The following NUP155 variants were observed in gnomAD, a reference collection of about 807,000 sequenced individuals.
NUP155 encodes the protein nucleoporin 155.
A neutral mutation model predicts 180.4 loss-of-function variants in NUP155; 71 were observed. That is an observed-to-expected ratio of 0.39 (90% CI 0.33 to 0.48). NUP155 has a LOEUF of 0.48. NUP155 is among the 20% of genes least tolerant of loss of function. The pLI is 0.91. For synonymous variants in NUP155, 582 were observed against 559.5 expected (o/e 1.04, Z -0.57); for missense variants, 1,553 against 1,648.9 (o/e 0.94, Z 1.01).
chr5:37,334,958 G>C (rs1745225488), intron 12 of NUP155, among the ~76,000 whole-genome samples: 1 of 151,904 alleles, frequency 6.6e-6, no homozygotes, highest in African/African-American at 2.4e-5. Context: ...AGGAGTTCGA[G>C]ACCAGCCAGG....
chr5:37,361,152 C>T (rs1413764431), intron 3 of NUP155, among the ~76,000 whole-genome samples: 2 of 151,222 alleles, frequency 1.3e-5, no homozygotes, highest in Admixed American at 1.3e-4. Context: ...ACCTGTAGTC[C>T]CAGCTACTCC....
intron 3 of NUP155, among the ~76,000 whole-genome samples, chr5:37,361,251 G>A (rs1463420026): frequency 2.3e-5 from 3 of 130,132 alleles, no homozygotes; most frequent in African/African-American, 9.8e-5. Context: ...GGGCGACAGA[G>A]CGAGACTCTG....
intron 9 of NUP155, among the ~76,000 whole-genome samples, chr5:37,343,013 G>C (rs1745837967): frequency 6.6e-6 from 1 of 152,004 alleles, no homozygotes; most frequent in Non-Finnish European, 1.5e-5. Flanking sequence ...AAAGTGCTGG[G>C]ATTGGGATTA....
chr5:37,366,289 T>C (rs190459711), intron 1 of NUP155, among the ~76,000 whole-genome samples: 26 of 152,174 alleles, frequency 1.7e-4, no homozygotes, highest in Non-Finnish European at 3.2e-4. Flanking sequence ...AACTGACATA[T>C]AAAACAATCT....
chr5:37,311,946 G>A (rs190108232), intron 22 of NUP155, among the ~76,000 whole-genome samples: 2 of 152,248 alleles, frequency 1.3e-5, no homozygotes, highest in East Asian at 1.9e-4. Context: ...GCTTGTACCC[G>A]GGAGGTGGAG....
Position 37,307,417 on chromosome 5 carries a change from C to A in NUP155, c.2783G>T (p.Gly928Val), listed in dbSNP as rs755073424. The A allele has an allele frequency of 6.2e-7, 1 of 1,613,938 alleles. No individual in the cohort carries two copies. The highest frequency in any genetic ancestry group is 8.5e-7 in the Non-Finnish European group (1 of 1,179,954). The change falls in exon 25 of 35, where the codon GGT becomes GTT. Residue 928 changes from glycine (G) to valine (V), a missense_variant. By Grantham distance (109) the Gly-to-Val change is moderately radical. Coordinates refer to ENST00000231498, the MANE Select transcript of NUP155 (RefSeq NM_153485.3). ...AGCCGTAAGAGAAAGTTCCACCACA[C>A]CCTCATAAAATCTCACTGATGGGAA... ...AQYRQVRFYE[G>V]VVELSLTAAE... is the part of the protein sequence containing the mutation.
intron 1 of NUP155, among the ~76,000 whole-genome samples, chr5:37,365,713 G>GAA (rs869240751): frequency 7.5e-4 from 17 of 22,600 alleles, no homozygotes; most frequent in African/African-American, 3.6e-3. Context: ...GTCTCGGGGA[G>GAA]AAAAAAAAAA....
intron 9 of NUP155, among the ~76,000 whole-genome samples, chr5:37,343,877 T>C (rs544088233): frequency 2.6e-5 from 4 of 151,898 alleles, no homozygotes; most frequent in Non-Finnish European, 5.9e-5. Context: ...GGCAACAGAC[T>C]GAGACTCTAT....
chr5:37,352,698 C>T (rs1250731617), intron 5 of NUP155, 39 bp downstream of exon 5: 5 of 1,356,100 alleles, frequency 3.7e-6, no homozygotes, highest in South Asian at 1.2e-5. Flanking sequence ...GGCCAAAATA[C>T]TATTATTTTA....
At chr5:37,367,535 CTTTT>C (rs376801237) in intron 1 of NUP155, among the ~76,000 whole-genome samples, 2 of 135,626 alleles carry the variant, frequency 1.5e-5, no homozygotes, top group Non-Finnish European at 1.6e-5. Context: ...TTTCTTTTTC[CTTTT>C]TTTTTTTTTT....
At chr5:37,312,195 AAAG>A (rs1197545314) in intron 22 of NUP155, among the ~76,000 whole-genome samples, 1 of 152,210 alleles carries the variant, frequency 6.6e-6, no homozygotes. Context: ...AGTATAACTA[AAAG>A]AAGGACAACG....
intron 3 of NUP155, among the ~76,000 whole-genome samples, chr5:37,362,115 C>T (rs1433570194): frequency 6.6e-6 from 1 of 152,140 alleles, no homozygotes; most frequent in East Asian, 1.9e-4. Context: ...TCTGTTTTAG[C>T]AGCTCGGACT....
chr5:37,303,920 C>G (rs1409878949), intron 27 of NUP155, among the ~76,000 whole-genome samples: 2 of 151,588 alleles, frequency 1.3e-5, no homozygotes, highest in African/African-American at 4.8e-5. Flanking sequence ...GCACTTCAGC[C>G]TAAGCTACAG....
chr5:37,342,660 G>A lies in NUP155; in HGVS notation c.996-14C>T. 1.4e-6 allele frequency: 2 copies of A among 1,480,820 alleles called. No individual in the cohort carries two copies. Among genetic ancestry groups the A allele is most frequent in the Non-Finnish European group, 1.9e-6 (2 of 1,059,164 alleles). 91.7% of individuals were successfully genotyped at this position (1,480,820 alleles called of 1,614,324 possible). A position where few individuals can be genotyped will look rare whatever the true frequency, so the allele number is the denominator to read the frequency against. On this transcript the variant is annotated splice_polypyrimidine_tract_variant and intron_variant, in intron 9 of 34. Transcript: ENST00000231498. ...CGATCGATGGTCCTAAAAGAAAGGAGAAAATAAAGTGTATTTTTAAAATGT... is the reference window on the plus strand; with the variant it reads ...CGATCGATGGTCCTAAAAGAAAGGAAAAAATAAAGTGTATTTTTAAAATGT...
At chr5:37,314,358 AAAT>A in intron 21 of NUP155, 30 bp from the exon 22 acceptor site, 1 of 1,501,532 alleles carries the variant, frequency 6.7e-7, no homozygotes, top group Non-Finnish European at 9.2e-7. Flanking sequence ...AATTATTATA[AAAT>A]AACATAGGTT....
At chr5:37,366,652 T>C (rs1747602221) in intron 1 of NUP155, among the ~76,000 whole-genome samples, 1 of 134,356 alleles carries the variant, frequency 7.4e-6, no homozygotes, top group Admixed American at 8.8e-5. Flanking sequence ...TTGGCCAGGA[T>C]AGTCTCAATC....
Position 37,292,046 on chromosome 5 carries a change from G to A in NUP155, c.4038-8C>T, listed in dbSNP as rs201158641. Reference sequence around the variant, plus strand: ...AGATTTGTAAATCTTCTCCTACAACGAAAAAGACACATGATTAATTATACA... The same window carrying A: ...AGATTTGTAAATCTTCTCCTACAACAAAAAAGACACATGATTAATTATACA... On this transcript the variant is annotated splice_region_variant and splice_polypyrimidine_tract_variant and intron_variant, in intron 34 of 34. Transcript: ENST00000231498. The A allele has an allele frequency of 6.7e-5, 108 of 1,613,526 alleles. No homozygotes were observed. Among genetic ancestry groups the A allele is most frequent in the South Asian group, 1.1e-4 (10 of 91,040 alleles).
In NUP155 at chr5:37,352,754, T is replaced by C. The variant is rs891995246; in HGVS notation, c.539A>G (p.Tyr180Cys). The C allele has an allele frequency of 3.7e-6, 6 of 1,612,964 alleles. No individual in the cohort carries two copies. Among genetic ancestry groups the C allele is most frequent in the Non-Finnish European group, 5.1e-6 (6 of 1,179,182 alleles). The change falls in exon 5 of 35, where the codon TAT (tyrosine) becomes TGT (cysteine). Residue 180 changes from tyrosine to cysteine, a missense_variant. By Grantham distance (194) the Tyr-to-Cys change is radical. Transcript: ENST00000231498. ...PVDIVILGLS[Y>C]ANLQTGSGVL... is the part of the protein sequence containing the mutation. ...TGCCATACCTGTTTGCAAATTAGCATAGCTGAGTCCAAGAATTACTATGTC... is the reference window on the plus strand; with the variant it reads ...TGCCATACCTGTTTGCAAATTAGCACAGCTGAGTCCAAGAATTACTATGTC...
intron 31 of NUP155, 146 bp downstream of exon 31, chr5:37,299,302 A>T (rs1742742325): frequency 2.3e-6 from 2 of 862,358 alleles, no homozygotes. Flanking sequence ...CACCATACCC[A>T]GGTGACTTCC....
Sources: allele counts gnomAD v4.1 joint callset (sites outside exome capture counted in the v4.1 genomes callset), GRCh38; gene constraint gnomAD v4.1.1; transcripts MANE v1.5; gene names NCBI Gene and HGNC (gene_info 2026-07-23, HGNC 2026-07-21).